Variants in PTPRQ observed in about 807,000 individuals in gnomAD.
PTPRQ encodes phosphatidylinositol phosphatase PTPRQ.
Under a neutral mutation model 246.0 loss-of-function variants are expected in PTPRQ, and 199 were observed. That is an observed-to-expected ratio of 0.81 (90% CI 0.72 to 0.91). The LOEUF (loss-of-function observed/expected upper bound fraction) is 0.91, where lower values mean the gene tolerates loss of function less well. PTPRQ is among the 40% of genes least tolerant of loss of function. PTPRQ has a pLI of 0.00. For missense variants in PTPRQ, 2,624 were observed against 2,528.4 expected, an observed-to-expected ratio of 1.04 and a Z score of -0.81; for synonymous variants, 869 against 853.2, an observed-to-expected ratio of 1.02 and a Z score of -0.32.
At chr12:80,473,884 T>G (rs1471651221) in intron 8 of PTPRQ, among the ~76,000 whole-genome samples, 3 of 152,254 alleles carry the variant, frequency 2.0e-5, no homozygotes, top group Non-Finnish European at 4.4e-5. Context: ...CATTCTGTTA[T>G]CTTCCTGAGT....
At chr12:80,567,894 A>C (rs1897026912) in intron 25 of PTPRQ, among the ~76,000 whole-genome samples, 1 of 152,124 alleles carries the variant, frequency 6.6e-6, no homozygotes, top group African/African-American at 2.4e-5. Flanking sequence ...ATTACATTTC[A>C]TTCTCAGCAG....
intron 26 of PTPRQ, among the ~76,000 whole-genome samples, chr12:80,593,262 T>C (rs61951076): frequency 0.15 from 23,065 of 152,104 alleles, 2,103 homozygotes; most frequent in Middle Eastern, 0.22. Context: ...TGTTTAAAAT[T>C]TGAGTAACTC....
At position 80,457,623 on chromosome 12, in the gene PTPRQ, C is replaced by A. The variant is rs1893020647; in HGVS notation, c.439C>A (p.Leu147Ile). The A allele has an allele frequency of 5.0e-6, 2 of 400,100 alleles. No individual in the cohort carries two copies. The highest frequency in any genetic ancestry group is 8.9e-6 in the Non-Finnish European group (2 of 225,896). 24.8% of individuals were successfully genotyped at this position (400,100 alleles called of 1,614,324 possible). A position where few individuals can be genotyped will look rare whatever the true frequency, so the allele number is the denominator to read the frequency against. Reference protein sequence around the residue: ...AGIGVFSDPFLFQTAESAPGK... With the variant: ...AGIGVFSDPFIFQTAESAPGK... Reference sequence around the variant, plus strand: ...CATTGGAGTGTTTAGTGATCCATTTCTCTTCCAAACTGCAGAAAGTGGTAA... The same window carrying A: ...CATTGGAGTGTTTAGTGATCCATTTATCTTCCAAACTGCAGAAAGTGGTAA... The change falls in exon 4 of 45, where the codon CTC becomes ATC. Residue 147 changes from leucine (L) to isoleucine (I), a missense_variant. By Grantham distance (5) the Leu-to-Ile change is conservative. Coordinates refer to ENST00000644991, the MANE Select transcript of PTPRQ (RefSeq NM_001145026.2).
intron 39 of PTPRQ, among the ~76,000 whole-genome samples, chr12:80,658,516 T>C (rs1191669360): frequency 6.6e-6 from 1 of 151,898 alleles, no homozygotes; most frequent in Non-Finnish European, 1.5e-5. Context: ...AAACCTTATA[T>C]GCACTCAAGA....
rs1303893453 is a variant in PTPRQ at position 80,541,834 on chromosome 12, C to T, written c.3434C>T (p.Thr1145Ile). ...DTYTAQLYIK[T>I]EEDVPETSPI... Reference sequence around the variant, plus strand: ...TATACTGCCCAGCTATACATCAAGACTGAAGAAGATGGTAGGCTAGACCCT... The same window carrying T: ...TATACTGCCCAGCTATACATCAAGATTGAAGAAGATGGTAGGCTAGACCCT... Residue 1145 changes from threonine to isoleucine, a missense_variant, in exon 21 of 45, where the codon ACT (threonine) becomes ATT (isoleucine). By Grantham distance (89) the Thr-to-Ile change is moderately conservative. Coordinates refer to ENST00000644991, the MANE Select transcript of PTPRQ (RefSeq NM_001145026.2). 5 of 1,541,884 alleles carry T rather than the reference C, an allele frequency of 3.2e-6. No homozygotes were observed. Among genetic ancestry groups the T allele is most frequent in the Non-Finnish European group, 4.4e-6 (5 of 1,143,334 alleles).
chr12:80,600,676 A>C (rs1170924095), intron 26 of PTPRQ, among the ~76,000 whole-genome samples: 4 of 151,834 alleles, frequency 2.6e-5, no homozygotes, highest in Non-Finnish European at 4.4e-5. Context: ...ACAGAGGTAC[A>C]TGAATCAAAT....
At chr12:80,473,148 C>T (rs1893706729) in intron 8 of PTPRQ, among the ~76,000 whole-genome samples, 1 of 151,900 alleles carries the variant, frequency 6.6e-6, no homozygotes, top group Non-Finnish European at 1.5e-5. Flanking sequence ...TGTACTTCTC[C>T]CCTTTAAAGA....
At chr12:80,568,197 T>A (rs781614464) in intron 25 of PTPRQ, among the ~76,000 whole-genome samples, 1 of 152,196 alleles carries the variant, frequency 6.6e-6, no homozygotes, top group South Asian at 2.1e-4. Context: ...ATTATAAATG[T>A]ATGTGAAAAC....
At position 80,459,324 on chromosome 12, in the gene PTPRQ, C is replaced by A. The variant is rs970890055; in HGVS notation, c.501C>A (p.Asn167Lys). Residue 167 changes from asparagine (N) to lysine (K), a missense_variant, in exon 5 of 45, where the codon AAC (asparagine) becomes AAA (lysine). Coordinates refer to ENST00000644991, the MANE Select transcript of PTPRQ (RefSeq NM_001145026.2). ...KVVNLTVEAY[N>K]ASAVKLIWYL... Reference sequence around the variant, plus strand: ...TGAATCTCACAGTTGAGGCCTACAACGCTTCAGCAGTTAAGCTGATTTGGT... The same window carrying A: ...TGAATCTCACAGTTGAGGCCTACAAAGCTTCAGCAGTTAAGCTGATTTGGT... The A allele has an allele frequency of 2.5e-6, 1 of 398,338 alleles. No homozygotes were observed. Among genetic ancestry groups the A allele is most frequent in the Non-Finnish European group, 4.4e-6 (1 of 225,966 alleles). 24.7% of individuals were successfully genotyped at this position (398,338 alleles called of 1,614,324 possible). A position where few individuals can be genotyped will look rare whatever the true frequency, so the allele number is the denominator to read the frequency against.
chr12:80,461,905 C>G (rs1893187517), intron 6 of PTPRQ: 1 of 101,046 alleles, frequency 9.9e-6, no homozygotes, highest in African/African-American at 3.9e-5. Flanking sequence ...CGAATAGGAA[C>G]AGCTCCGGTC....
Position 80,616,202 on chromosome 12 carries a change from T to C in PTPRQ, c.5166T>C (p.Val1722=). The C allele has an allele frequency of 6.8e-7, 1 of 1,477,002 alleles. No individual in the cohort carries two copies. 91.5% of individuals were successfully genotyped at this position (1,477,002 alleles called of 1,614,324 possible). ...LKGGHTYNIS[V]YAVNSAGAGP... ...TAACAAATATTTGTTTGTTTTAGGT[T>C]TACGCAGTCAATAGTGCTGGTGCAG... Residue 1722 remains valine (V), a splice_region_variant and synonymous_variant, in exon 30 of 45, where the codon GTT becomes GTC. Transcript: ENST00000644991.
intron 17 of PTPRQ, among the ~76,000 whole-genome samples, chr12:80,516,541 T>C (rs1343637361): frequency 6.6e-6 from 1 of 152,200 alleles, no homozygotes; most frequent in Non-Finnish European, 1.5e-5. Context: ...TGAAAAACAC[T>C]TGCCAAAGAA....
intron 8 of PTPRQ, among the ~76,000 whole-genome samples, chr12:80,480,066 A>G (rs1182776571): frequency 1.3e-5 from 2 of 150,464 alleles, no homozygotes; most frequent in African/African-American, 5.0e-5. Context: ...TCAAGAGAAT[A>G]TACATTTTTT....
chr12:80,573,952 C>T (rs1897218027), intron 25 of PTPRQ, among the ~76,000 whole-genome samples: 1 of 152,124 alleles, frequency 6.6e-6, no homozygotes, highest in Non-Finnish European at 1.5e-5. Flanking sequence ...GTATCATTAT[C>T]ACTTTTCCGC....
intron 38 of PTPRQ, among the ~76,000 whole-genome samples, chr12:80,654,690 A>T (rs1900370966): frequency 7.4e-6 from 1 of 134,280 alleles, no homozygotes; most frequent in Non-Finnish European, 1.6e-5. Flanking sequence ...TGTACTAAAA[A>T]TCCAAAAAAA....
At chr12:80,522,438 G>A (rs1399805306) in intron 17 of PTPRQ, among the ~76,000 whole-genome samples, 1 of 152,004 alleles carries the variant, frequency 6.6e-6, no homozygotes, top group African/African-American at 2.4e-5. Flanking sequence ...CCTGTCTTGT[G>A]CCAGTTTTCA....
intron 43 of PTPRQ, among the ~76,000 whole-genome samples, chr12:80,678,219 A>C (rs1901207743): frequency 6.6e-6 from 1 of 152,250 alleles, no homozygotes; most frequent in African/African-American, 2.4e-5. Flanking sequence ...AAGTAAATTT[A>C]GCATTTGTAT....
At chr12:80,669,278 G>A (rs1851372998) in intron 40 of PTPRQ, 61 bp from the exon 41 acceptor site, 3 of 1,537,684 alleles carry the variant, frequency 2.0e-6, no homozygotes, top group Non-Finnish European at 1.8e-6. Context: ...TAATAACTGT[G>A]GTATACATAT....
chr12:80,594,273 A>G (rs1024077148), intron 26 of PTPRQ, among the ~76,000 whole-genome samples: 2 of 152,200 alleles, frequency 1.3e-5, no homozygotes, highest in African/African-American at 4.8e-5. Context: ...AAGCAATTAT[A>G]TAATGGTAAG....
Sources: allele counts gnomAD v4.1 joint callset (sites outside exome capture counted in the v4.1 genomes callset), GRCh38; gene constraint gnomAD v4.1.1; transcripts MANE v1.5; gene names NCBI Gene and HGNC (gene_info 2026-07-23, HGNC 2026-07-21).